Variants in USF3 observed in about 807,000 individuals in gnomAD.
USF3 encodes basic helix-loop-helix domain-containing protein USF3.
A neutral mutation model predicts 157.5 loss-of-function variants in USF3; 29 were observed. That is an observed-to-expected ratio of 0.18 (90% CI 0.14 to 0.25). The LOEUF (loss-of-function observed/expected upper bound fraction) is 0.25. USF3 is among the 10% of genes least tolerant of loss of function. The pLI is 1.00. For synonymous variants in USF3, 893 were observed against 941.4 expected (o/e 0.95, Z 0.94); for missense variants, 2,381 against 2,667.6 (o/e 0.89, Z 2.37).
chr3:113,691,475 T>C (rs1457902699), intron 1 of USF3, among the ~76,000 whole-genome samples: 1 of 152,242 alleles, frequency 6.6e-6, no homozygotes, highest in African/African-American at 2.4e-5. Context: ...TGTTTTGGCC[T>C]TCTGACAATA....
intron 2 of USF3, among the ~76,000 whole-genome samples, 164 bp downstream of exon 2, chr3:113,677,115 GTCA>G (rs1707299249): frequency 6.6e-6 from 1 of 152,218 alleles, no homozygotes; most frequent in African/African-American, 2.4e-5. Context: ...CGAGAAATGT[GTCA>G]TCAAGACCCA....
intron 5 of USF3, among the ~76,000 whole-genome samples, chr3:113,664,870 C>T (rs1947539659): frequency 6.6e-6 from 1 of 152,070 alleles, no homozygotes; most frequent in South Asian, 2.1e-4. Flanking sequence ...GGGATTAGTG[C>T]CCTATAAGAA....
chr3:113,658,395 C>A lies in USF3; in HGVS notation c.3287G>T (p.Arg1096Leu). Residue 1096 changes from arginine to leucine, a missense_variant, in exon 7 of 7, where the codon CGT (arginine) becomes CTT (leucine). Physicochemically the swap from Arg to Leu is moderately radical, Grantham distance 102. Around this residue, in one of 6 missense-constraint regions of USF3, gnomAD observed 1,435 missense variants for 1,550.9 expected, o/e 0.93. Transcript: ENST00000316407. The stretch of plus-strand genomic sequence containing the variant: ...AAGCATGGATGCAACTGAGAAACTA[C>A]GACTACTGCCAGAGCTGGTTGACAT... The part of the protein sequence containing the change: ...SPMSTSSGSS[R>L]SFSVASMLPE... The A allele has an allele frequency of 6.2e-7, 1 of 1,614,122 alleles. No individual in the cohort carries two copies. Among genetic ancestry groups the A allele is most frequent in the Non-Finnish European group, 8.5e-7 (1 of 1,180,014 alleles).
At chr3:113,665,715 C>A (rs1387354050) in intron 5 of USF3, among the ~76,000 whole-genome samples, 2 of 152,074 alleles carry the variant, frequency 1.3e-5, no homozygotes, top group African/African-American at 4.8e-5. Flanking sequence ...GTAATGCCAG[C>A]TACTCAGTAG....
rs772094005 is a variant in USF3 at position 113,661,277 on chromosome 3, A to G, written c.405T>C (p.Ser135=). 2 of 1,614,182 alleles carry G rather than the reference A, an allele frequency of 1.2e-6. No homozygotes were observed. Among genetic ancestry groups the G allele is most frequent in the Non-Finnish European group, 1.7e-6 (2 of 1,179,992 alleles). ...WKGNLKNSKV[S]VVIPSDQVQK... ...GAACCTGGTCACTAGGAATAACAAC[A>G]GAGACCTTTGAGTTTTTAAGATTTC... The change falls in exon 7 of 7, where the codon TCT becomes TCC. Residue 135 remains serine, a synonymous_variant. Transcript: ENST00000316407.
rs1052897720 is a variant in USF3 at position 113,682,280 on chromosome 3, G to T, written c.-134-4883C>A. Reference sequence around the variant, plus strand: ...GTTGAGGCTGCAGTGAGCCATGATCGTGCCACCGCACTTCAGCTTGGGAGA... The same window carrying T: ...GTTGAGGCTGCAGTGAGCCATGATCTTGCCACCGCACTTCAGCTTGGGAGA... On this transcript the variant is annotated intron_variant, in intron 1 of 6. Transcript: ENST00000316407. Among the ~76,000 whole-genome samples, 3 of 151,912 alleles carry T rather than the reference G, an allele frequency of 2.0e-5. No individual in the cohort carries two copies. The South Asian group carries it at 6.2e-4, about 31-fold the overall frequency.
intron 4 of USF3, 99 bp downstream of exon 4, chr3:113,673,249 T>A: frequency 1.3e-6 from 1 of 794,292 alleles, no homozygotes; most frequent in Non-Finnish European, 2.1e-6. Flanking sequence ...TAATGAATAA[T>A]GATTCCTTGC....
rs201244170 is a variant in USF3 at position 113,661,060 on chromosome 3, G to T, written c.622C>A (p.Pro208Thr). 6.2e-7 allele frequency: 1 copy of T among 1,614,182 alleles called. No individual in the cohort carries two copies. The highest frequency in any genetic ancestry group is 8.5e-7 in the Non-Finnish European group (1 of 1,180,038). ...GCAGGAACTGTGGTCTGATGCCATG[G>T]CTTGTTTTCAGAAGGGTAAACTCCA... ...ISGVYPSENK[P>T]WHQTTVPALA... Residue 208 changes from proline (P) to threonine (T), a missense_variant, in exon 7 of 7, where the codon CCA becomes ACA. Physicochemically the swap from Pro to Thr is conservative, Grantham distance 38. Coordinates refer to ENST00000316407, the MANE Select transcript of USF3 (RefSeq NM_001009899.4).
In USF3 at chr3:113,659,006, G is replaced by T; in HGVS notation, c.2676C>A (p.Pro892=). Residue 892 remains proline (P), a synonymous_variant, in exon 7 of 7, where the codon CCC becomes CCA. Coordinates refer to ENST00000316407, the MANE Select transcript of USF3 (RefSeq NM_001009899.4). ...KSKSAEKSSP[P]SQESVTSEHF... ...GTTCACTTGTTACAGATTCTTGGGA[G>T]GGTGGGCTGGACTTTTCTGCTGACT... The T allele has an allele frequency of 6.2e-7, 1 of 1,614,166 alleles. No homozygotes were observed. The highest frequency in any genetic ancestry group is 8.5e-7 in the Non-Finnish European group (1 of 1,180,026).
intron 1 of USF3, among the ~76,000 whole-genome samples, chr3:113,688,635 T>C (rs1370164777): frequency 6.6e-6 from 1 of 152,202 alleles, no homozygotes; most frequent in East Asian, 1.9e-4. Context: ...GCTAGGCACA[T>C]AGTGGGTAAT....
chr3:113,695,351 TGGAGAGTA>T (rs1166190633), intron 1 of USF3, among the ~76,000 whole-genome samples: 4 of 152,234 alleles, frequency 2.6e-5, no homozygotes, highest in African/African-American at 9.6e-5. Context: ...TCAAGGTGAA[TGGAGAGTA>T]GGACAGCCTG....
rs1947411092 is a variant in USF3 at position 113,658,490 on chromosome 3, A to G, written c.3192T>C (p.His1064=). The G allele has an allele frequency of 2.5e-6, 4 of 1,614,068 alleles. No homozygotes were observed. Among genetic ancestry groups the G allele is most frequent in the Non-Finnish European group, 3.4e-6 (4 of 1,179,934 alleles). The change falls in exon 7 of 7, where the codon CAT becomes CAC. Residue 1064 remains histidine, a synonymous_variant. Coordinates refer to ENST00000316407, the MANE Select transcript of USF3 (RefSeq NM_001009899.4). Reference sequence around the variant, plus strand: ...CCTCTTGATCAGGGAGGCAGGAATGATGCTGTGGAGGATCTCTATCATCAT... The same window carrying G: ...CCTCTTGATCAGGGAGGCAGGAATGGTGCTGTGGAGGATCTCTATCATCAT... ...MNNDDRDPPQ[H]HSCLPDQEVI...
intron 1 of USF3, among the ~76,000 whole-genome samples, chr3:113,684,777 T>G (rs1419035178): frequency 6.6e-6 from 1 of 152,188 alleles, no homozygotes; most frequent in Non-Finnish European, 1.5e-5. Flanking sequence ...TTTGTTAAGC[T>G]TCCTCAAAAC....
intron 1 of USF3, among the ~76,000 whole-genome samples, chr3:113,695,807 G>A (rs940374746): frequency 2.0e-5 from 3 of 152,194 alleles, no homozygotes; most frequent in Non-Finnish European, 4.4e-5. Context: ...TAGATTTCAA[G>A]AGTTGGTCAT....
chr3:113,659,369 A>C lies in USF3; in HGVS notation c.2313T>G (p.Ser771Arg), dbSNP rs1179647213. ...VTTDSSATLA[S>R]TYNLVSTSSM... ...AGGAAGTACTCACTAGATTATAAGT[A>C]CTAGCTAGTGTGGCTGAACTATCTG... The change falls in exon 7 of 7, where the codon AGT (serine) becomes AGG (arginine). Residue 771 changes from serine to arginine, a missense_variant. By Grantham distance (110) the Ser-to-Arg change is moderately radical. Coordinates refer to ENST00000316407, the MANE Select transcript of USF3 (RefSeq NM_001009899.4). 6.2e-7 allele frequency: 1 copy of C among 1,614,142 alleles called. No individual in the cohort carries two copies. Among genetic ancestry groups the C allele is most frequent in the Admixed American group, 1.7e-5 (1 of 60,018 alleles).
At chr3:113,676,102 C>T (rs554176004) in intron 2 of USF3, among the ~76,000 whole-genome samples, 2 of 152,322 alleles carry the variant, frequency 1.3e-5, no homozygotes, top group Admixed American at 1.3e-4. Context: ...TGCCTGTCTT[C>T]TTCTGAGTCC....
chr3:113,657,008 G>C lies in USF3; in HGVS notation c.4674C>G (p.His1558Gln). 1 of 1,614,174 alleles carries C rather than the reference G, an allele frequency of 6.2e-7. No individual in the cohort carries two copies. The highest frequency in any genetic ancestry group is 1.1e-5 in the South Asian group (1 of 91,076). Residue 1558 changes from histidine (H) to glutamine (Q), a missense_variant, in exon 7 of 7, where the codon CAC (histidine) becomes CAG (glutamine). By Grantham distance (24) the His-to-Gln change is conservative. This residue lies in a region of USF3 where 770 missense variants were observed against 824.2 expected (regional missense o/e 0.93). Coordinates refer to ENST00000316407, the MANE Select transcript of USF3 (RefSeq NM_001009899.4). ...GCATTTGTTGCTGCATCTGCTGATGGTGGGGATGTGGCTGGCCAGTCTTGG... is the reference window on the plus strand; with the variant it reads ...GCATTTGTTGCTGCATCTGCTGATGCTGGGGATGTGGCTGGCCAGTCTTGG... The part of the protein sequence containing the change: ...SRSKTGQPHP[H>Q]HQQMQQQMQQ...
intron 1 of USF3, among the ~76,000 whole-genome samples, chr3:113,689,405 T>G (rs947060926): frequency 6.6e-6 from 1 of 152,236 alleles, no homozygotes; most frequent in Admixed American, 6.5e-5. Context: ...TCAAGTCATC[T>G]GGTCCAAGTT....
chr3:113,659,720 A>G lies in USF3; in HGVS notation c.1962T>C (p.Val654=), dbSNP rs1947443342. The change falls in exon 7 of 7, where the codon GTT becomes GTC. Residue 654 remains valine (V), a synonymous_variant. Transcript: ENST00000316407. ...TTTGAGGCTGTTGGTTTGACATGGT[A>G]ACAGAAAAAGTTTGTGTTGAGTTAG... ...SASNSTQTFS[V]TMSNQQPQTI... is the part of the protein sequence containing the mutation. 1 of 1,614,152 alleles carries G rather than the reference A, an allele frequency of 6.2e-7. No homozygotes were observed. Among genetic ancestry groups the G allele is most frequent in the Admixed American group, 1.7e-5 (1 of 60,008 alleles).
Sources: allele counts gnomAD v4.1 joint callset (sites outside exome capture counted in the v4.1 genomes callset), GRCh38; gene constraint gnomAD v4.1.1; regional missense constraint gnomAD v4.1.1; transcripts MANE v1.5; gene names NCBI Gene and HGNC (gene_info 2026-07-23, HGNC 2026-07-21).